The following ZNF407 variants were observed in gnomAD, a reference collection of about 807,000 sequenced individuals.
ZNF407 encodes the protein zinc finger protein 407.
ZNF407 carries 17 observed loss-of-function variants against 131.2 expected under a neutral mutation model. That is an observed-to-expected ratio of 0.13 (90% CI 0.09 to 0.19). The LOEUF (loss-of-function observed/expected upper bound fraction) is 0.19, where lower values mean the gene tolerates loss of function less well. ZNF407 is among the 10% of genes least tolerant of loss of function. The pLI, the probability that ZNF407 is intolerant of heterozygous loss-of-function variation, is 1.00. For missense variants in ZNF407, 2,681 were observed against 2,830.6 expected, an observed-to-expected ratio of 0.95 and a Z score of 1.20; for synonymous variants, 1,156 against 1,062.0, an observed-to-expected ratio of 1.09 and a Z score of -1.72.
intron 1 of ZNF407, among the ~76,000 whole-genome samples, chr18:74,626,406 A>C (rs1233807023): frequency 6.6e-6 from 1 of 152,198 alleles, no homozygotes; most frequent in African/African-American, 2.4e-5. Context: ...AAACACATGG[A>C]TATTCTTGCT....
chr18:74,939,498 A>AT (rs1414341398), intron 8 of ZNF407, among the ~76,000 whole-genome samples: 2 of 152,200 alleles, frequency 1.3e-5, no homozygotes, highest in African/African-American at 4.8e-5. Context: ...ACCTCCTTTG[A>AT]TTTTTTAAAA....
intron 7 of ZNF407, among the ~76,000 whole-genome samples, chr18:74,897,809 C>T (rs1474199738): frequency 1.3e-5 from 2 of 152,178 alleles, no homozygotes; most frequent in Non-Finnish European, 2.9e-5. Flanking sequence ...ACAGAAGTCA[C>T]CTATGCATCC....
At chr18:75,020,180 C>T (rs1973090625) in intron 8 of ZNF407, among the ~76,000 whole-genome samples, 1 of 152,050 alleles carries the variant, frequency 6.6e-6, no homozygotes, top group South Asian at 2.1e-4. Flanking sequence ...TGCTAACCTC[C>T]TCATGTGCGT....
chr18:75,004,836 A>G (rs1018121753), intron 8 of ZNF407, among the ~76,000 whole-genome samples: 1 of 151,950 alleles, frequency 6.6e-6, no homozygotes, highest in African/African-American at 2.4e-5. Flanking sequence ...TTCCTTAGCT[A>G]CCCCTCACCG....
chr18:74,869,678 C>G (rs2145170629), intron 4 of ZNF407, among the ~76,000 whole-genome samples: 1 of 152,222 alleles, frequency 6.6e-6, no homozygotes, highest in East Asian at 1.9e-4. Context: ...TTCATCCAAT[C>G]CAGCAATTGG....
chr18:75,064,556 C>A lies in ZNF407; in HGVS notation c.*88C>A. 8.2e-7 allele frequency: 1 copy of A among 1,217,246 alleles called. No individual in the cohort carries two copies. Among genetic ancestry groups the A allele is most frequent in the Non-Finnish European group, 1.1e-6 (1 of 895,614 alleles). The allele number at this position is 1,217,246 out of a possible 1,614,324, so 75.4% of individuals were successfully genotyped here. ...CGTGTTCCCTGAGCTTCATCTGAAA[C>A]CTTCAAAACCATGAGGACAAGGCTC... is the stretch of plus-strand genomic sequence containing the variant. On this transcript the variant is annotated 3_prime_UTR_variant, in exon 9 of 9. Coordinates refer to ENST00000299687, the MANE Select transcript of ZNF407 (RefSeq NM_017757.3).
intron 8 of ZNF407, among the ~76,000 whole-genome samples, chr18:74,960,665 GAGGGATAGGAGAAGGTCCTGAGTCAGT>G: frequency 1.4e-5 from 2 of 146,852 alleles, no homozygotes; most frequent in Admixed American, 6.7e-5. Flanking sequence ...GTGCTGGGTG[GAGGGATAGGAGAAGGTCCTGAGTCAGT>G]GCTGGGTGGA....
intron 4 of ZNF407, among the ~76,000 whole-genome samples, chr18:74,856,124 A>G (rs1203221034): frequency 1.3e-5 from 2 of 152,236 alleles, no homozygotes; most frequent in Non-Finnish European, 1.5e-5. Context: ...CCTATTTTCT[A>G]TTACAAATTA....
chr18:74,909,378 T>A (rs967582910), intron 7 of ZNF407, among the ~76,000 whole-genome samples: 2 of 152,134 alleles, frequency 1.3e-5, no homozygotes, highest in East Asian at 3.8e-4. Context: ...ATACTTAATG[T>A]TATTTACCTT....
chr18:74,878,609 TA>T (rs1408668144), intron 5 of ZNF407, among the ~76,000 whole-genome samples: 1 of 152,114 alleles, frequency 6.6e-6, no homozygotes, highest in East Asian at 1.9e-4. Flanking sequence ...GTCTGCACCA[TA>T]ATGAGAGATA....
At chr18:74,883,813 C>T (rs1971271663) in intron 6 of ZNF407, among the ~76,000 whole-genome samples, 5 of 152,182 alleles carry the variant, frequency 3.3e-5, no homozygotes, top group African/African-American at 1.2e-4. Flanking sequence ...CAGTATGTTT[C>T]TTAATGGTGA....
intron 3 of ZNF407, among the ~76,000 whole-genome samples, chr18:74,676,615 T>C (rs1433371585): frequency 6.8e-6 from 1 of 147,780 alleles, no homozygotes; most frequent in Non-Finnish European, 1.5e-5. Context: ...TTTGTATTTT[T>C]AGTAGAGACG....
At chr18:74,608,010 T>G (rs1043957371) in intron 1 of ZNF407, among the ~76,000 whole-genome samples, 3 of 152,244 alleles carry the variant, frequency 2.0e-5, no homozygotes, top group Admixed American at 6.5e-5. Context: ...ATTTTTATGT[T>G]AGAGTCAATA....
At chr18:74,662,676 G>A (rs944546006) in intron 3 of ZNF407, among the ~76,000 whole-genome samples, 12 of 152,164 alleles carry the variant, frequency 7.9e-5, no homozygotes, top group African/African-American at 2.7e-4. Context: ...CATAGCAGCA[G>A]ACAGAAAAAT....
chr18:75,032,303 A>T (rs1436294169), intron 8 of ZNF407, among the ~76,000 whole-genome samples: 3 of 152,182 alleles, frequency 2.0e-5, no homozygotes, highest in African/African-American at 7.2e-5. Context: ...AGGGATAAAT[A>T]GTGTCGAACT....
At chr18:74,696,675 C>T (rs1339754675) in intron 3 of ZNF407, among the ~76,000 whole-genome samples, 2 of 152,102 alleles carry the variant, frequency 1.3e-5, no homozygotes, top group African/African-American at 4.8e-5. Context: ...TACACATACA[C>T]ATGAATGTAT....
At chr18:74,962,471 A>G (rs1009474810) in intron 8 of ZNF407, among the ~76,000 whole-genome samples, 8 of 152,230 alleles carry the variant, frequency 5.3e-5, no homozygotes, top group African/African-American at 1.2e-4. Context: ...CTGGCCCACA[A>G]TAGACATTTC....
intron 4 of ZNF407, among the ~76,000 whole-genome samples, chr18:74,792,439 A>G (rs1272855032): frequency 1.3e-5 from 2 of 150,348 alleles, no homozygotes; most frequent in Non-Finnish European, 3.0e-5. Context: ...ATTTATGATT[A>G]TGCAATATGG....
chr18:74,847,828 A>G (rs1970722763), intron 4 of ZNF407, among the ~76,000 whole-genome samples: 1 of 151,486 alleles, frequency 6.6e-6, no homozygotes, highest in African/African-American at 2.4e-5. Flanking sequence ...TTATTCTATG[A>G]TATGTATAAA....
Sources: gnomAD v4.1 joint callset for allele counts (sites outside exome capture counted in the v4.1 genomes callset) on GRCh38, gnomAD v4.1.1 for gene constraint, MANE v1.5 for transcripts, NCBI Gene and HGNC (gene_info 2026-07-23, HGNC 2026-07-21) for gene names.